The following KIF26B variants were observed in gnomAD, a reference collection of about 807,000 sequenced individuals.
KIF26B encodes the protein kinesin-like protein KIF26B.
A neutral mutation model predicts 151.2 loss-of-function variants in KIF26B; 63 were observed. The observed-to-expected ratio is 0.42, with a 90% CI of 0.34 to 0.51. The LOEUF is 0.51. Ranked by LOEUF, KIF26B falls within the 20% of genes least tolerant of loss-of-function variation. KIF26B has a pLI of 0.07. For missense variants in KIF26B, 2,813 were observed against 2,913.6 expected, an observed-to-expected ratio of 0.97 and a Z score of 0.79; for synonymous variants, 1,357 against 1,262.1, an observed-to-expected ratio of 1.08 and a Z score of -1.59.
chr1:245,184,171 CA>C (rs1027436883), intron 2 of KIF26B, among the ~76,000 whole-genome samples: 13 of 150,080 alleles, frequency 8.7e-5, no homozygotes, highest in East Asian at 5.9e-4. Context: ...TTATTTTTAC[CA>C]AAATCCAAGA....
At position 245,238,321 on chromosome 1, in the gene KIF26B, A is replaced by T. The variant is rs541115804; in HGVS notation, c.465+81638A>T. Among the ~76,000 whole-genome samples, 35 of 152,216 alleles carry T rather than the reference A, an allele frequency of 2.3e-4. No homozygotes were observed. The South Asian group carries it at 4.8e-3, about 21-fold the overall frequency. ...ACTGTGCTCCAGCCTGCGTGACAGA[A>T]ACTTCATCTCATCTAAAAAAAAGAA... is the stretch of plus-strand genomic sequence containing the variant. On this transcript the variant is annotated intron_variant, in intron 2 of 14. Coordinates refer to ENST00000407071, the MANE Select transcript of KIF26B (RefSeq NM_018012.4).
intron 10 of KIF26B, among the ~76,000 whole-genome samples, chr1:245,659,761 G>A (rs1203081227): frequency 1.3e-5 from 2 of 152,002 alleles, no homozygotes; most frequent in Non-Finnish European, 2.9e-5. Context: ...CAAGTAGGCC[G>A]GGCGCGGTGG....
At position 245,344,494 on chromosome 1, in the gene KIF26B, C is replaced by CAAAA. The variant is rs57007301; in HGVS notation, c.466-22316_466-22313dup. Among the ~76,000 whole-genome samples the CAAAA allele has an allele frequency of 3.2e-3, 130 of 40,010 alleles. 7 individuals carry two copies. Among genetic ancestry groups the CAAAA allele is most frequent in the African/African-American group, 5.8e-3 (117 of 20,294 alleles). 26.2% of individuals were successfully genotyped at this position (40,010 alleles called of 152,430 possible). A position where few individuals can be genotyped will look rare whatever the true frequency, so the allele number is the denominator to read the frequency against. On this transcript the variant is annotated intron_variant, in intron 2 of 14. Coordinates refer to ENST00000407071, the MANE Select transcript of KIF26B (RefSeq NM_018012.4). ...TGGGTGACTGAGCTAGACTCCGTCTCAAAAAAAAAAAAAAAAAAAAAAAAA... is the reference window on the plus strand; with the variant it reads ...TGGGTGACTGAGCTAGACTCCGTCTCAAAAAAAAAAAAAAAAAAAAAAAAAAAAA...
intron 4 of KIF26B, among the ~76,000 whole-genome samples, chr1:245,446,874 C>G (rs1376294010): frequency 6.6e-6 from 1 of 152,126 alleles, no homozygotes; most frequent in Non-Finnish European, 1.5e-5. Context: ...GGAGTTCCCA[C>G]CAGCATTGCT....
chr1:245,547,075 C>T (rs898830560), intron 5 of KIF26B, among the ~76,000 whole-genome samples: 1 of 152,240 alleles, frequency 6.6e-6, no homozygotes, highest in African/African-American at 2.4e-5. Flanking sequence ...CTAGCGCCGC[C>T]CCAGGCGCCC....
intron 2 of KIF26B, among the ~76,000 whole-genome samples, chr1:245,287,711 C>G (rs1337768497): frequency 7.9e-5 from 12 of 152,180 alleles, no homozygotes; most frequent in African/African-American, 1.9e-4. Flanking sequence ...CCATATTGAT[C>G]AGGCTGGTCT....
At chr1:245,423,959 C>T (rs1051820602) in intron 4 of KIF26B, among the ~76,000 whole-genome samples, 2 of 152,038 alleles carry the variant, frequency 1.3e-5, no homozygotes, top group Non-Finnish European at 2.9e-5. Flanking sequence ...CCACTTCAGC[C>T]TCCTGAGTAG....
At chr1:245,351,301 T>C (rs1209329287) in intron 2 of KIF26B, among the ~76,000 whole-genome samples, 1 of 152,202 alleles carries the variant, frequency 6.6e-6, no homozygotes. Context: ...TACGTGGGCC[T>C]TGAGCTCCCT....
At chr1:245,648,596 C>T (rs1306875160) in intron 10 of KIF26B, among the ~76,000 whole-genome samples, 1 of 151,204 alleles carries the variant, frequency 6.6e-6, no homozygotes, top group Non-Finnish European at 1.5e-5. Context: ...GATTGCGCTA[C>T]TGCACCAGCC....
At chr1:245,547,087 G>A (rs1661760471) in intron 5 of KIF26B, among the ~76,000 whole-genome samples, 2 of 152,230 alleles carry the variant, frequency 1.3e-5, no homozygotes, top group African/African-American at 4.8e-5. Flanking sequence ...CAGGCGCCCG[G>A]AGCTCAGGAA....
At chr1:245,685,273 T>A in intron 11 of KIF26B, 132 bp from the exon 12 acceptor site, 1 of 706,244 alleles carries the variant, frequency 1.4e-6, no homozygotes, top group Non-Finnish European at 2.3e-6. Flanking sequence ...GTGGCCCACG[T>A]GCGGGAGGCC....
chr1:245,659,301 G>A (rs1427720279), intron 10 of KIF26B, among the ~76,000 whole-genome samples: 1 of 152,114 alleles, frequency 6.6e-6, no homozygotes. Context: ...TAATCTGAAT[G>A]AAACCAGCCT....
At chr1:245,430,691 G>A (rs1334937986) in intron 4 of KIF26B, among the ~76,000 whole-genome samples, 1 of 151,948 alleles carries the variant, frequency 6.6e-6, no homozygotes, top group Admixed American at 6.6e-5. Flanking sequence ...AATCATAATA[G>A]CCTACATTTT....
chr1:245,676,829 T>C (rs1351839716), intron 10 of KIF26B, among the ~76,000 whole-genome samples: 1 of 152,206 alleles, frequency 6.6e-6, no homozygotes, highest in Admixed American at 6.5e-5. Context: ...CGTCTCCTCC[T>C]GGAAACAACT....
chr1:245,684,407 G>T lies in KIF26B; in HGVS notation c.2421+12G>T, dbSNP rs113843114. The T allele has an allele frequency of 0.015, 23,185 of 1,573,368 alleles. 228 individuals are homozygous for T. The highest frequency in any genetic ancestry group is 0.017 in the Non-Finnish European group (19,866 of 1,156,864). On this transcript the variant is annotated intron_variant, in intron 11 of 14. Transcript: ENST00000407071. ...AAAAGAAGACGAAGGTAAGGAGCTC[G>T]CGGGGTGGGGGGGTGGTGGATGAGG...
intron 2 of KIF26B, among the ~76,000 whole-genome samples, chr1:245,340,340 T>A (rs1034220160): frequency 6.6e-5 from 6 of 91,592 alleles, no homozygotes; most frequent in Non-Finnish European, 1.3e-4. Context: ...CTGTATTGTT[T>A]GAGGAATAAT....
intron 2 of KIF26B, among the ~76,000 whole-genome samples, chr1:245,228,891 C>T (rs996846062): frequency 6.6e-6 from 1 of 152,168 alleles, no homozygotes; most frequent in African/African-American, 2.4e-5. Flanking sequence ...GACTCCTAAT[C>T]GTAGCCTGAT....
chr1:245,619,031 G>C (rs1378720621), intron 9 of KIF26B, among the ~76,000 whole-genome samples: 2 of 145,572 alleles, frequency 1.4e-5, no homozygotes, highest in East Asian at 2.0e-4. Flanking sequence ...GAGTGCCACA[G>C]TGCTGGGGCT....
rs564225060 is a variant in KIF26B, at chr1:245,617,811, T to G, written c.2098+5835T>G. On this transcript the variant is annotated intron_variant, in intron 9 of 14. Coordinates refer to ENST00000407071, the MANE Select transcript of KIF26B (RefSeq NM_018012.4). ...CACTCTCAGCAGGTAACTAGCATCTTAGTCAATGAGAAGACAGAGCTGACC... is the reference window on the plus strand; with the variant it reads ...CACTCTCAGCAGGTAACTAGCATCTGAGTCAATGAGAAGACAGAGCTGACC... Among the ~76,000 whole-genome samples, 22 of 152,280 alleles carry G rather than the reference T, an allele frequency of 1.4e-4. No individual in the cohort carries two copies. In the South Asian group the frequency reaches 4.4e-3, roughly 30 times the overall value.
Sources: gnomAD v4.1 joint callset for allele counts (sites outside exome capture counted in the v4.1 genomes callset) on GRCh38, gnomAD v4.1.1 for gene constraint, MANE v1.5 for transcripts, NCBI Gene and HGNC (gene_info 2026-07-23, HGNC 2026-07-21) for gene names.